CLEC12A: variants seen among roughly 807,000 people sequenced by gnomAD.
CLEC12A encodes C-type lectin protein CLL-1.
A neutral mutation model predicts 26.5 loss-of-function variants in CLEC12A; 22 were observed. The observed-to-expected ratio is 0.83, with a 90% CI of 0.59 to 1.19. The LOEUF (loss-of-function observed/expected upper bound fraction) is 1.19. CLEC12A is among the 50% of genes most tolerant of loss of function. The pLI, the probability that CLEC12A is intolerant of heterozygous loss-of-function variation, is 0.00. For synonymous variants in CLEC12A, 119 were observed against 101.9 expected (o/e 1.17, Z -1.01); for missense variants, 353 against 315.6 (o/e 1.12, Z -0.90).
intron 4 of CLEC12A, chr12:9,994,991 T>A: frequency 6.5e-7 from 1 of 1,541,598 alleles, no homozygotes; most frequent in Non-Finnish European, 8.8e-7. Flanking sequence ...AATTGTCTTA[T>A]GACCAGCGCT....
intron 1 of CLEC12A, among the ~76,000 whole-genome samples, chr12:9,954,477 C>T (rs1036059330): frequency 3.3e-5 from 5 of 150,830 alleles, no homozygotes; most frequent in Non-Finnish European, 7.4e-5. Flanking sequence ...GCCTGGGTGA[C>T]GGAGATCCTG....
At chr12:9,980,446 A>T in intron 3 of CLEC12A, 136 bp from the exon 4 acceptor site, 1 of 962,100 alleles carries the variant, frequency 1.0e-6, no homozygotes, top group Non-Finnish European at 1.5e-6. Flanking sequence ...AAAAAAAAAA[A>T]AAGGGGGAAA....
At chr12:9,958,332 C>T (rs1455462585) in intron 1 of CLEC12A, among the ~76,000 whole-genome samples, 9 of 152,116 alleles carry the variant, frequency 5.9e-5, no homozygotes, top group Non-Finnish European at 1.5e-5. Flanking sequence ...GGAGGTTATT[C>T]CCAAAAGAAC....
chr12:9,955,520 A>C (rs942381604), intron 1 of CLEC12A, among the ~76,000 whole-genome samples: 3 of 152,214 alleles, frequency 2.0e-5, no homozygotes, highest in African/African-American at 7.2e-5. Flanking sequence ...AGTGAATGAA[A>C]TATAAATGGC....
Position 9,985,032 on chromosome 12 carries a change from C to A in CLEC12A, c.*6C>A. 1 of 1,501,786 alleles carries A rather than the reference C, an allele frequency of 6.7e-7. No individual in the cohort carries two copies. Among genetic ancestry groups the A allele is most frequent in the South Asian group, 1.4e-5 (1 of 74,010 alleles). 93.0% of individuals were successfully genotyped at this position (1,501,786 alleles called of 1,614,324 possible). ...CATATTTTAGGGAGGCATGAGGCAT[C>A]AATCAAATACATTTAAGGAGTGTAG... is the stretch of plus-strand genomic sequence containing the variant. On this transcript the variant is annotated 3_prime_UTR_variant, in exon 6 of 6. Transcript: ENST00000304361.
chr12:9,994,339 G>A (rs116098825), intron 4 of CLEC12A, among the ~76,000 whole-genome samples: 134 of 152,278 alleles, frequency 8.8e-4, no homozygotes, highest in African/African-American at 3.0e-3. Flanking sequence ...CCCAAGGTCT[G>A]TGAAGAGGCT....
downstream of CLEC12A, among the ~76,000 whole-genome samples, chr12:9,989,526 TAACTCTTGTCA>T (rs902144709): frequency 6.6e-6 from 1 of 152,228 alleles, no homozygotes; most frequent in African/African-American, 2.4e-5. Context: ...AGCAAGGCCC[TAACTCTTGTCA>T]ATTCTGTGAT....
chr12:9,963,125 A>G (rs1478677591), intron 1 of CLEC12A, among the ~76,000 whole-genome samples: 1 of 152,162 alleles, frequency 6.6e-6, no homozygotes, highest in Admixed American at 6.5e-5. Context: ...TGAAAAACTA[A>G]ACAGAATAAG....
At chr12:9,956,506 C>A (rs946666514) in intron 1 of CLEC12A, among the ~76,000 whole-genome samples, 2 of 152,018 alleles carry the variant, frequency 1.3e-5, no homozygotes, top group African/African-American at 2.4e-5. Flanking sequence ...GTTTTGGGAC[C>A]TCAAGAAAAG....
intron 1 of CLEC12A, among the ~76,000 whole-genome samples, chr12:9,959,463 AAAAAG>A (rs1338553332): frequency 1.3e-5 from 2 of 151,912 alleles, no homozygotes; most frequent in Non-Finnish European, 2.9e-5. Flanking sequence ...AAAAAAAAAA[AAAAAG>A]AAGAAAGAAA....
At chr12:9,975,269 T>C (rs938206614) in intron 1 of CLEC12A, among the ~76,000 whole-genome samples, 6 of 152,188 alleles carry the variant, frequency 3.9e-5, no homozygotes, top group African/African-American at 1.4e-4. Context: ...GAGGTTGGAA[T>C]ACTTTGGAGG....
intron 4 of CLEC12A, chr12:9,990,880 C>G (rs1864876868): frequency 6.6e-6 from 1 of 152,180 alleles, no homozygotes; most frequent in South Asian, 2.1e-4. Context: ...CATCAGCAGC[C>G]ATCAACATCA....
chr12:9,966,735 G>A (rs1206337994), upstream of CLEC12A, among the ~76,000 whole-genome samples: 20 of 150,746 alleles, frequency 1.3e-4, no homozygotes, highest in Admixed American at 1.3e-3. Flanking sequence ...CTGTTGTGGG[G>A]TTTGAGGACT....
intron 1 of CLEC12A, among the ~76,000 whole-genome samples, chr12:9,952,304 G>A (rs1312834677): frequency 7.0e-6 from 1 of 143,674 alleles, no homozygotes; most frequent in African/African-American, 2.5e-5. Context: ...TCCTGCCTCA[G>A]CCTGCCGAGT....
In CLEC12A at chr12:9,971,608, A is replaced by G. The variant is rs145865209; in HGVS notation, c.12A>G (p.Glu4=). 12 of 1,606,284 alleles carry G rather than the reference A, an allele frequency of 7.5e-6. No individual in the cohort carries two copies. In the African/African-American group the frequency reaches 1.6e-4, roughly 22 times the overall value. Residue 4 remains glutamate (E), a synonymous_variant, in exon 1 of 6, where the codon GAA becomes GAG. Coordinates refer to ENST00000304361, the MANE Select transcript of CLEC12A (RefSeq NM_138337.6). ...TTACATATTCATCAATGTCTGAAGA[A>G]GTTACTTATGCAGATCTTCAATTCC... MSE[E]VTYADLQFQN...
intron 1 of CLEC12A, among the ~76,000 whole-genome samples, chr12:9,966,264 G>C (rs1863946560): frequency 1.3e-5 from 2 of 152,234 alleles, no homozygotes; most frequent in African/African-American, 4.8e-5. Flanking sequence ...ACCCTCCACT[G>C]TGAGAGTTAC....
downstream of CLEC12A, chr12:9,999,434 A>T: frequency 5.2e-6 from 1 of 191,210 alleles, no homozygotes; most frequent in Non-Finnish European, 1.1e-5. Flanking sequence ...CTAAGAACAA[A>T]AGTTCATGCT....
At chr12:9,959,313 G>A (rs7298632) in intron 1 of CLEC12A, among the ~76,000 whole-genome samples, 46,182 of 151,712 alleles carry the variant, frequency 0.3, 7,375 homozygotes, top group East Asian at 0.46. Flanking sequence ...TTAGCTGGGC[G>A]TGGTGGCGGG....
At chr12:9,999,113 A>G (rs1227171240), downstream of CLEC12A, 2 of 1,588,674 alleles carry the variant, frequency 1.3e-6, no homozygotes. Flanking sequence ...CTTCCCGAGT[A>G]CTGCAACTGA....
Sources: gnomAD v4.1 joint callset for allele counts (sites outside exome capture counted in the v4.1 genomes callset) on GRCh38, gnomAD v4.1.1 for gene constraint, MANE v1.5 for transcripts, NCBI Gene and HGNC (gene_info 2026-07-23, HGNC 2026-07-21) for gene names.